Variants in MCCC2 observed in about 807,000 individuals in gnomAD.
MCCC2 encodes the protein methylcrotonyl-CoA carboxylase subunit 2.
A neutral mutation model predicts 77.2 loss-of-function variants in MCCC2; 52 were observed. That is an observed-to-expected ratio of 0.67 (90% CI 0.54 to 0.85). MCCC2 has a LOEUF of 0.85. MCCC2 is among the 40% of genes least tolerant of loss of function. The probability of loss-of-function intolerance (pLI) is 0.00; values close to 1 mark genes in which losing one functional copy is unlikely to be tolerated. For synonymous variants in MCCC2, 253 were observed against 248.4 expected (o/e 1.02, Z -0.18); for missense variants, 682 against 703.2 (o/e 0.97, Z 0.34).
intron 13 of MCCC2, among the ~76,000 whole-genome samples, chr5:71,647,387 A>C (rs1468455098): frequency 1.3e-5 from 2 of 152,220 alleles, no homozygotes; most frequent in Non-Finnish European, 1.5e-5. Flanking sequence ...ATGGCAGCCT[A>C]AGAGGGTCCT....
intron 13 of MCCC2, among the ~76,000 whole-genome samples, chr5:71,648,002 G>A (rs1747317554): frequency 6.6e-6 from 1 of 152,168 alleles, no homozygotes; most frequent in Non-Finnish European, 1.5e-5. Context: ...GGTATGGTGG[G>A]AATGTTACAA....
chr5:71,605,791 A>C (rs551464104), intron 6 of MCCC2, among the ~76,000 whole-genome samples: 22 of 152,240 alleles, frequency 1.4e-4, no homozygotes, highest in South Asian at 6.2e-4. Flanking sequence ...TCAGCTTTCT[A>C]CATATGGCTA....
At chr5:71,653,572 A>T (rs1178369267) in intron 16 of MCCC2, among the ~76,000 whole-genome samples, 2 of 152,196 alleles carry the variant, frequency 1.3e-5, no homozygotes, top group Non-Finnish European at 2.9e-5. Context: ...AAATCAGGCC[A>T]GGCACAGTGG....
intron 11 of MCCC2, 85 bp from the exon 12 acceptor site, chr5:71,643,734 A>G (rs767276667): frequency 1.9e-6 from 3 of 1,612,196 alleles, no homozygotes; most frequent in Non-Finnish European, 2.5e-6. Context: ...CTGATATTAA[A>G]GAATGTGTAA....
chr5:71,625,835 T>C (rs771820874), intron 6 of MCCC2, among the ~76,000 whole-genome samples: 2 of 152,226 alleles, frequency 1.3e-5, no homozygotes, highest in African/African-American at 2.4e-5. Flanking sequence ...ACATGCTGTT[T>C]GCATGCCTAT....
At chr5:71,635,912 A>G (rs1746911433) in intron 10 of MCCC2, 1 of 161,662 alleles carries the variant, frequency 6.2e-6, no homozygotes, top group Admixed American at 6.1e-5. Flanking sequence ...GTTGTGAAAA[A>G]TATAGAAAAT....
intron 1 of MCCC2, among the ~76,000 whole-genome samples, chr5:71,592,460 C>G (rs1745018682): frequency 6.6e-6 from 1 of 152,126 alleles, no homozygotes. Flanking sequence ...TGTACTTTGT[C>G]AGTAAGCAAG....
chr5:71,603,621 G>A (rs1317350334), intron 5 of MCCC2, among the ~76,000 whole-genome samples: 1 of 152,122 alleles, frequency 6.6e-6, no homozygotes, highest in African/African-American at 2.4e-5. Context: ...CAGCAAATGA[G>A]GCCCAGCTGC....
intron 7 of MCCC2, among the ~76,000 whole-genome samples, chr5:71,629,462 G>A (rs899983998): frequency 3.9e-5 from 6 of 152,122 alleles, no homozygotes; most frequent in African/African-American, 1.4e-4. Flanking sequence ...TGAATTGTAT[G>A]CTTTAAAATA....
At chr5:71,596,057 C>G (rs1306541896) in intron 2 of MCCC2, among the ~76,000 whole-genome samples, 1 of 150,560 alleles carries the variant, frequency 6.6e-6, no homozygotes, top group Admixed American at 6.8e-5. Flanking sequence ...CTAGGATATA[C>G]TCTAAAATCA....
chr5:71,603,717 A>G (rs1357060516), intron 5 of MCCC2, among the ~76,000 whole-genome samples: 1 of 152,194 alleles, frequency 6.6e-6, no homozygotes, highest in Non-Finnish European at 1.5e-5. Context: ...AATGAATTGG[A>G]CACAGCATAT....
At chr5:71,617,866 A>G (rs1174582757) in intron 6 of MCCC2, among the ~76,000 whole-genome samples, 1 of 152,230 alleles carries the variant, frequency 6.6e-6, no homozygotes, top group Non-Finnish European at 1.5e-5. Context: ...CTTTGCTGCT[A>G]TAAAAATGTG....
intron 6 of MCCC2, among the ~76,000 whole-genome samples, chr5:71,605,816 C>T (rs1745648645): frequency 1.3e-5 from 2 of 152,170 alleles, no homozygotes; most frequent in South Asian, 4.1e-4. Context: ...GTTTTCCCAA[C>T]ACCATTTATT....
chr5:71,630,940 G>A (rs749242842), intron 7 of MCCC2, among the ~76,000 whole-genome samples: 21 of 152,074 alleles, frequency 1.4e-4, no homozygotes, highest in Non-Finnish European at 2.5e-4. Flanking sequence ...TAATTCCTAA[G>A]GGGTTGGATT....
intron 8 of MCCC2, among the ~76,000 whole-genome samples, chr5:71,634,528 TC>T (rs1746850056): frequency 6.6e-6 from 1 of 152,206 alleles, no homozygotes; most frequent in Admixed American, 6.5e-5. Context: ...ACCAACTACA[TC>T]ATGAAAGTGT....
intron 6 of MCCC2, among the ~76,000 whole-genome samples, chr5:71,618,881 C>T (rs986364350): frequency 6.6e-6 from 1 of 152,154 alleles, no homozygotes; most frequent in African/African-American, 2.4e-5. Flanking sequence ...GAGTGATAGT[C>T]TAGTTTGCTG....
rs539886945 is a variant in MCCC2 at position 71,593,081 on chromosome 5, C to T, written c.196+89C>T. 119 of 1,112,800 alleles carry T rather than the reference C, an allele frequency of 1.1e-4. 1 individual carries two copies. In the African/African-American group the frequency reaches 1.6e-3, roughly 15 times the overall value. The allele number at this position is 1,112,800 out of a possible 1,614,324, so 68.9% of individuals were successfully genotyped here. ...TTTTAGGAAAAATACTGGAATTAAGCTTTTGATATTTTTTTTTTTTTTTTG... is the reference window on the plus strand; with the variant it reads ...TTTTAGGAAAAATACTGGAATTAAGTTTTTGATATTTTTTTTTTTTTTTTG... On this transcript the variant is annotated intron_variant, in intron 2 of 16. Coordinates refer to ENST00000340941, the MANE Select transcript of MCCC2 (RefSeq NM_022132.5).
chr5:71,642,761 A>T, intron 11 of MCCC2, among the ~76,000 whole-genome samples: 1 of 152,186 alleles, frequency 6.6e-6, no homozygotes, highest in East Asian at 1.9e-4. Context: ...TGTACTGCAT[A>T]AGTTTTTGGC....
chr5:71,654,495 T>C (rs936554648), intron 16 of MCCC2, among the ~76,000 whole-genome samples: 1 of 152,118 alleles, frequency 6.6e-6, no homozygotes, highest in African/African-American at 2.4e-5. Context: ...AAAGAAGCAA[T>C]AGAAAGCCGT....
Sources: gnomAD v4.1 joint callset for allele counts (sites outside exome capture counted in the v4.1 genomes callset) on GRCh38, gnomAD v4.1.1 for gene constraint, MANE v1.5 for transcripts, NCBI Gene and HGNC (gene_info 2026-07-23, HGNC 2026-07-21) for gene names.